CNTN4: variants seen among roughly 807,000 people sequenced by gnomAD.
CNTN4 encodes the protein contactin 4.
CNTN4 carries 77 observed loss-of-function variants against 122.5 expected under a neutral mutation model. That is an observed-to-expected ratio of 0.63 (90% CI 0.52 to 0.76). CNTN4 has a LOEUF of 0.76. CNTN4 is among the 30% of genes least tolerant of loss of function. The pLI is 0.00. For synonymous variants in CNTN4, 512 were observed against 447.0 expected (o/e 1.15, Z -1.83); for missense variants, 1,256 against 1,259.1 (o/e 1.00, Z 0.04).
chr3:2,170,439 A>G (rs1462563428), intron 2 of CNTN4, among the ~76,000 whole-genome samples: 2 of 152,340 alleles, frequency 1.3e-5, no homozygotes, highest in African/African-American at 4.8e-5. Context: ...CTACATGAAA[A>G]AATAGTACCA....
intron 2 of CNTN4, among the ~76,000 whole-genome samples, chr3:2,150,785 AC>A (rs1214953794): frequency 1.3e-5 from 2 of 152,210 alleles, no homozygotes; most frequent in Non-Finnish European, 2.9e-5. Context: ...GAACTGGAGA[AC>A]ATTCTGTTTA....
intron 6 of CNTN4, among the ~76,000 whole-genome samples, chr3:2,778,731 A>G (rs940765252): frequency 6.6e-6 from 1 of 152,226 alleles, no homozygotes; most frequent in Non-Finnish European, 1.5e-5. Flanking sequence ...TGGGTTCAGC[A>G]TAATGGGGGA....
At chr3:2,913,409 T>C (rs2094322095) in intron 12 of CNTN4, among the ~76,000 whole-genome samples, 1 of 152,148 alleles carries the variant, frequency 6.6e-6, no homozygotes, top group Non-Finnish European at 1.5e-5. Flanking sequence ...ATATGCTCTC[T>C]GTAAGAGACA....
At chr3:2,485,229 A>T (rs904505538) in intron 3 of CNTN4, among the ~76,000 whole-genome samples, 5 of 152,284 alleles carry the variant, frequency 3.3e-5, no homozygotes, top group Admixed American at 2.6e-4. Context: ...GAGCCTCCGC[A>T]GACAGCACCT....
At chr3:2,535,303 G>T (rs181042818) in intron 3 of CNTN4, among the ~76,000 whole-genome samples, 3 of 152,166 alleles carry the variant, frequency 2.0e-5, no homozygotes, top group East Asian at 3.9e-4. Context: ...ATGACTTTCT[G>T]ATGCAAGAGT....
At chr3:2,991,284 A>T (rs971131585) in intron 14 of CNTN4, among the ~76,000 whole-genome samples, 3 of 152,094 alleles carry the variant, frequency 2.0e-5, no homozygotes, top group Non-Finnish European at 4.4e-5. Flanking sequence ...GAAGGCAGGG[A>T]TGTGTAGGTA....
chr3:2,955,622 G>C (rs958787629), intron 13 of CNTN4, among the ~76,000 whole-genome samples: 1 of 152,190 alleles, frequency 6.6e-6, no homozygotes, highest in Non-Finnish European at 1.5e-5. Context: ...ATAGCCAGAA[G>C]ACATGAAATG....
At chr3:2,542,475 A>G (rs1451788498) in intron 3 of CNTN4, among the ~76,000 whole-genome samples, 1 of 152,128 alleles carries the variant, frequency 6.6e-6, no homozygotes, top group Non-Finnish European at 1.5e-5. Context: ...GAATATACAC[A>G]AGAAATAATC....
chr3:2,626,358 G>A lies in CNTN4; in HGVS notation c.55+54800G>A, dbSNP rs367871002. ...AATACGAAAAAAAAATTAGCCAGGC[G>A]TGGTGGTGGGCACCTGTAGTCCCAG... On this transcript the variant is annotated intron_variant, in intron 4 of 24. Transcript: ENST00000418658. Among the ~76,000 whole-genome samples, 560 of 152,112 alleles carry A rather than the reference G, an allele frequency of 3.7e-3. 1 individual carries two copies. Among genetic ancestry groups the A allele is most frequent in the African/African-American group, 0.013 (533 of 41,514 alleles).
intron 2 of CNTN4, among the ~76,000 whole-genome samples, chr3:2,296,789 GAA>G (rs34529722): frequency 9.2e-6 from 1 of 109,148 alleles, no homozygotes; most frequent in East Asian, 3.9e-4. Context: ...CCTTTGCTCT[GAA>G]AAAAAAAAAC....
At chr3:2,822,592 G>T (rs1191164901) in intron 7 of CNTN4, among the ~76,000 whole-genome samples, 1 of 152,164 alleles carries the variant, frequency 6.6e-6, no homozygotes, top group Non-Finnish European at 1.5e-5. Context: ...TACCTTCATT[G>T]CATTAAGTTT....
chr3:2,904,084 A>G (rs2094204042), intron 12 of CNTN4, among the ~76,000 whole-genome samples: 2 of 152,200 alleles, frequency 1.3e-5, no homozygotes, highest in South Asian at 4.1e-4. Context: ...GAATTTGTCT[A>G]TTATTATAAA....
chr3:2,478,735 C>T (rs1456475348), intron 3 of CNTN4, among the ~76,000 whole-genome samples: 1 of 152,166 alleles, frequency 6.6e-6, no homozygotes, highest in Non-Finnish European at 1.5e-5. Flanking sequence ...TCTCCAGCTC[C>T]ATCCATGTCC....
At chr3:2,609,145 A>G (rs1010195967) in intron 4 of CNTN4, among the ~76,000 whole-genome samples, 2 of 152,238 alleles carry the variant, frequency 1.3e-5, no homozygotes, top group Non-Finnish European at 2.9e-5. Context: ...TGTGGTTTCA[A>G]TGTGTCCTCT....
rs781089385 is a variant in CNTN4 at position 2,878,500 on chromosome 3, G to T, written c.653-4645G>T. Among the ~76,000 whole-genome samples the T allele has an allele frequency of 5.1e-4, 77 of 151,280 alleles. 1 individual carries two copies. Among genetic ancestry groups the T allele is most frequent in the Non-Finnish European group, 3.5e-4 (24 of 67,878 alleles). ...ATTTGTGAAGGATACAGAAAAAAAT[G>T]AGAAGAATTTCTATCCCTAAAGCAG... On this transcript the variant is annotated intron_variant, in intron 8 of 24. Transcript: ENST00000418658.
intron 3 of CNTN4, among the ~76,000 whole-genome samples, chr3:2,346,808 A>G (rs1294966721): frequency 2.0e-5 from 3 of 152,170 alleles, no homozygotes; most frequent in Non-Finnish European, 4.4e-5. Context: ...AAGTCCAAGT[A>G]TGCATTTTTG....
At position 2,854,931 on chromosome 3, in the gene CNTN4, C is replaced by A. The variant is rs6802080; in HGVS notation, c.455-11821C>A. Among the ~76,000 whole-genome samples, 783 of 152,266 alleles carry A rather than the reference C, an allele frequency of 5.1e-3. 8 individuals carry two copies. The highest frequency in any genetic ancestry group is 0.018 in the African/African-American group (731 of 41,542). ...AATTGCTTAGCTTAAAGTAAGAAGA[C>A]AGATTTTGATTATGCTGTGAGAAAA... On this transcript the variant is annotated intron_variant, in intron 7 of 24. Transcript: ENST00000418658.
chr3:2,296,044 T>C (rs1373236570), intron 2 of CNTN4, among the ~76,000 whole-genome samples: 1 of 152,152 alleles, frequency 6.6e-6, no homozygotes, highest in Non-Finnish European at 1.5e-5. Flanking sequence ...TATATCTCTG[T>C]TTTGGTACCA....
intron 4 of CNTN4, among the ~76,000 whole-genome samples, chr3:2,691,278 A>G (rs532586471): frequency 1.3e-5 from 2 of 152,196 alleles, no homozygotes; most frequent in Admixed American, 1.3e-4. Flanking sequence ...TACCTATAAT[A>G]TGCCCTCATC....
Sources: allele counts gnomAD v4.1 joint callset (sites outside exome capture counted in the v4.1 genomes callset), GRCh38; gene constraint gnomAD v4.1.1; transcripts MANE v1.5; gene names NCBI Gene and HGNC (gene_info 2026-07-23, HGNC 2026-07-21).